CTNNB1: variants seen among roughly 807,000 people sequenced by gnomAD.
The protein encoded by CTNNB1 is catenin beta-1.
CTNNB1 carries 6 observed loss-of-function variants against 82.5 expected under a neutral mutation model. The ratio of observed to expected loss-of-function variants is 0.07; its 90% CI spans 0.04 to 0.14. The LOEUF is 0.14. Among genes scored for constraint, CTNNB1 ranks in the 10% least tolerant of loss-of-function variants. CTNNB1 has a pLI of 1.00. For synonymous variants in CTNNB1, 312 were observed against 329.7 expected, an observed-to-expected ratio of 0.95 and a Z score of 0.58; for missense variants, 529 against 980.4, an observed-to-expected ratio of 0.54 and a Z score of 6.15.
chr3:41,226,796 AT>A (rs2078186432), intron 6 of CTNNB1, among the ~76,000 whole-genome samples: 1 of 152,184 alleles, frequency 6.6e-6, no homozygotes, highest in African/African-American at 2.4e-5. Context: ...GGTGGATATA[AT>A]TAGGAAAATT....
intron 7 of CTNNB1, 30 bp downstream of exon 7, chr3:41,227,382 TG>T: frequency 1.2e-6 from 2 of 1,611,308 alleles, no homozygotes; most frequent in Non-Finnish European, 1.7e-6. Context: ...CTGAGTCTTG[TG>T]TATAGCATCT....
chr3:41,233,051 G>A (rs1384537049), intron 7 of CTNNB1: 1 of 502,966 alleles, frequency 2.0e-6, no homozygotes, highest in Non-Finnish European at 3.6e-6. Flanking sequence ...TGGATGAAAA[G>A]AAATGAGTAA....
chr3:41,237,688 G>A, intron 13 of CTNNB1: 1 of 229,486 alleles, frequency 4.4e-6, no homozygotes, highest in East Asian at 1.0e-4. Flanking sequence ...TTGTGGGTAG[G>A]CATTTTGCCT....
chr3:41,223,992 C>T, intron 1 of CTNNB1, 29 bp from the exon 2 acceptor site: 1 of 1,464,098 alleles, frequency 6.8e-7, no homozygotes, highest in Non-Finnish European at 9.6e-7. Flanking sequence ...AAATTTAAAT[C>T]CTAATGACTT....
At chr3:41,206,685 GGAGT>G (rs369010900) in intron 1 of CTNNB1, among the ~76,000 whole-genome samples, 67 of 151,950 alleles carry the variant, frequency 4.4e-4, no homozygotes, top group African/African-American at 1.4e-3. Context: ...AAGGGTGTAG[GGAGT>G]GAGTGTCTTT....
intron 1 of CTNNB1, 26 bp from the exon 2 acceptor site, chr3:41,223,995 A>G (rs750034704): frequency 6.7e-6 from 10 of 1,484,720 alleles, no homozygotes; most frequent in Non-Finnish European, 8.5e-6. Context: ...TTTAAATCCT[A>G]ATGACTTTTG....
At chr3:41,209,942 T>TTTTTGTAAGG (rs2077739301) in intron 1 of CTNNB1, among the ~76,000 whole-genome samples, 2 of 152,196 alleles carry the variant, frequency 1.3e-5, no homozygotes, top group Non-Finnish European at 2.9e-5. Context: ...CTACACTACA[T>TTTTTGTAAGG]TTTTGTAAGG....
chr3:41,231,338 AAAGG>A (rs2078304325), intron 7 of CTNNB1, among the ~76,000 whole-genome samples: 1 of 151,686 alleles, frequency 6.6e-6, no homozygotes, highest in Non-Finnish European at 1.5e-5. Context: ...AAAAAAAAAA[AAAGG>A]GAAAGAGATT....
At chr3:41,218,749 G>T (rs1229586649) in intron 1 of CTNNB1, among the ~76,000 whole-genome samples, 1 of 152,132 alleles carries the variant, frequency 6.6e-6, no homozygotes, top group East Asian at 1.9e-4. Context: ...TAGAGACAGG[G>T]TTTCACCATG....
intron 1 of CTNNB1, among the ~76,000 whole-genome samples, chr3:41,212,297 G>C (rs2077812131): frequency 1.3e-5 from 2 of 152,080 alleles, no homozygotes; most frequent in South Asian, 4.1e-4. Context: ...ATAAAGTTTT[G>C]TTGAATGAAT....
intron 1 of CTNNB1, among the ~76,000 whole-genome samples, chr3:41,201,374 G>GTACT (rs2077526117): frequency 6.6e-6 from 1 of 151,972 alleles, no homozygotes. Flanking sequence ...ACCCTTAAAG[G>GTACT]TTTGAGGATG....
chr3:41,211,603 T>C (rs1192174873), intron 1 of CTNNB1, among the ~76,000 whole-genome samples: 1 of 152,210 alleles, frequency 6.6e-6, no homozygotes, highest in Non-Finnish European at 1.5e-5. Context: ...GTTTAGCTCA[T>C]TCTTGTGAGA....
At chr3:41,216,859 G>T (rs150157382) in intron 1 of CTNNB1, among the ~76,000 whole-genome samples, 1 of 151,196 alleles carries the variant, frequency 6.6e-6, no homozygotes, top group East Asian at 1.9e-4. Flanking sequence ...GACCTTTTTC[G>T]TTCTCTTTAA....
chr3:41,235,753 A>G lies in CTNNB1; in HGVS notation c.1713A>G (p.Glu571=), dbSNP rs2125644672. ...GGGTCCGCATGGAAGAAATAGTTGA[A>G]GGTTGTACCGGAGCCCTTCACATCC... The part of the protein sequence containing the change: ...VEGVRMEEIV[E]GCTGALHILA... The change falls in exon 11 of 15, where the codon GAA becomes GAG. Residue 571 remains glutamate (E), a synonymous_variant. Coordinates refer to ENST00000349496, the MANE Select transcript of CTNNB1 (RefSeq NM_001904.4). 1 of 1,614,148 alleles carries G rather than the reference A, an allele frequency of 6.2e-7. No individual in the cohort carries two copies. The highest frequency in any genetic ancestry group is 8.5e-7 in the Non-Finnish European group (1 of 1,180,006).
chr3:41,230,714 G>A (rs2078286583), intron 7 of CTNNB1, among the ~76,000 whole-genome samples: 1 of 152,192 alleles, frequency 6.6e-6, no homozygotes, highest in East Asian at 1.9e-4. Context: ...TGGGACTGCA[G>A]GATGAGAGGG....
chr3:41,237,142 T>C (rs2078454655), intron 13 of CTNNB1: 1 of 241,630 alleles, frequency 4.1e-6, no homozygotes, highest in Non-Finnish European at 8.1e-6. Context: ...CCTTGAAACA[T>C]TGTTTCTAAT....
In CTNNB1 at chr3:41,209,994, C is replaced by T. The variant is rs774945444; in HGVS notation, c.-49+10324C>T. Among the ~76,000 whole-genome samples, 108 of 152,262 alleles carry T rather than the reference C, an allele frequency of 7.1e-4. 1 individual carries two copies. Among genetic ancestry groups the T allele is most frequent in the Admixed American group, 1.2e-3 (19 of 15,296 alleles). ...TCTATAATAAACCTTAAATTACTGT[C>T]ACTTTTTTACTTTATGAATTCTTAA... On this transcript the variant is annotated intron_variant, in intron 1 of 14. Transcript: ENST00000349496.
intron 7 of CTNNB1, among the ~76,000 whole-genome samples, chr3:41,227,919 T>C (rs1302980600): frequency 6.6e-6 from 1 of 152,144 alleles, no homozygotes; most frequent in African/African-American, 2.4e-5. Context: ...TTCCCTTCTT[T>C]GTGCCCGTGT....
intron 1 of CTNNB1, chr3:41,211,119 C>T (rs1287393069): frequency 8.8e-6 from 4 of 455,792 alleles, no homozygotes; most frequent in Non-Finnish European, 1.8e-5. Context: ...AACTGAAGCA[C>T]AGTAAACCTA....
Sources: allele counts gnomAD v4.1 joint callset (sites outside exome capture counted in the v4.1 genomes callset), GRCh38; gene constraint gnomAD v4.1.1; transcripts MANE v1.5; gene names NCBI Gene and HGNC (gene_info 2026-07-23, HGNC 2026-07-21).